The following KLRD1 variants were observed in gnomAD, a reference collection of about 807,000 sequenced individuals.
KLRD1 encodes natural killer cells antigen CD94.
A neutral mutation model predicts 22.6 loss-of-function variants in KLRD1; 21 were observed. That is an observed-to-expected ratio of 0.93 (90% CI 0.66 to 1.34). The LOEUF is 1.34. KLRD1 is among the 40% of genes most tolerant of loss of function. The pLI is 0.00. For synonymous variants in KLRD1, 59 were observed against 71.1 expected (o/e 0.83, Z 0.85); for missense variants, 183 against 208.6 (o/e 0.88, Z 0.76).
At position 10,327,225 on chromosome 12, in the gene KLRD1, G is replaced by A. The variant is rs1224647987; in HGVS notation, c.*12432G>A. 2.0e-5 allele frequency: 3 copies of A among 152,114 alleles called. No individual in the cohort carries two copies. Among genetic ancestry groups the A allele is most frequent in the African/African-American group, 7.2e-5 (3 of 41,424 alleles). 9.4% of individuals were successfully genotyped at this position (152,114 alleles called of 1,614,324 possible). A position where few individuals can be genotyped will look rare whatever the true frequency, so the allele number is the denominator to read the frequency against. ...CCATATTTGCAAAGTTTATTCCCAA[G>A]TTCTCCAATCTGTTTAATTGGTCTA... On this transcript the variant is annotated 3_prime_UTR_variant, in exon 6 of 6. Coordinates refer to ENST00000336164, the MANE Select transcript of KLRD1 (RefSeq NM_002262.5).
At chr12:10,309,341 C>A in intron 1 of KLRD1, 47 bp from the exon 2 acceptor site, 1 of 836,604 alleles carries the variant, frequency 1.2e-6, no homozygotes, top group South Asian at 1.5e-5. Context: ...GAACTCAGCT[C>A]CTGAGTTTGC....
chr12:10,285,289 G>C (rs1949690722), intron 1 of KLRD1, among the ~76,000 whole-genome samples: 1 of 152,200 alleles, frequency 6.6e-6, no homozygotes, highest in African/African-American at 2.4e-5. Flanking sequence ...TCGTGTGACT[G>C]ATAAAAATGG....
At chr12:10,284,637 T>G (rs886271006) in intron 1 of KLRD1, among the ~76,000 whole-genome samples, 1 of 152,172 alleles carries the variant, frequency 6.6e-6, no homozygotes, top group African/African-American at 2.4e-5. Flanking sequence ...TATTTTAAAA[T>G]AAAAACTAAT....
chr12:10,286,483 C>A (rs559390838), intron 1 of KLRD1, among the ~76,000 whole-genome samples: 1 of 151,716 alleles, frequency 6.6e-6, no homozygotes, highest in South Asian at 2.1e-4. Flanking sequence ...GGTTATGTAA[C>A]CTACTCAAGT....
At chr12:10,270,999 G>C (rs1330136513) in intron 1 of KLRD1, among the ~76,000 whole-genome samples, 1 of 151,884 alleles carries the variant, frequency 6.6e-6, no homozygotes, top group East Asian at 1.9e-4. Flanking sequence ...GGCCAGGCTG[G>C]TCTCGAATTC....
intron 1 of KLRD1, among the ~76,000 whole-genome samples, chr12:10,246,636 A>G (rs867029992): frequency 1.3e-5 from 2 of 152,146 alleles, no homozygotes; most frequent in African/African-American, 4.8e-5. Context: ...TGCATATTCT[A>G]TTTTATTCTG....
At chr12:10,269,771 T>C (rs1309287802) in intron 1 of KLRD1, among the ~76,000 whole-genome samples, 1 of 152,276 alleles carries the variant, frequency 6.6e-6, no homozygotes, top group East Asian at 1.9e-4. Flanking sequence ...TAACTTTCTA[T>C]TTTTAAAGAA....
upstream of KLRD1, among the ~76,000 whole-genome samples, chr12:10,305,295 C>G (rs1389775652): frequency 1.3e-5 from 2 of 152,142 alleles, no homozygotes; most frequent in African/African-American, 4.8e-5. Flanking sequence ...GGATACCTAA[C>G]TTTTCAAAAG....
At position 10,318,595 on chromosome 12, in the gene KLRD1, C is replaced by G. The variant is rs1355443873; in HGVS notation, c.*3802C>G. On this transcript the variant is annotated 3_prime_UTR_variant, in exon 6 of 6. Coordinates refer to ENST00000336164, the MANE Select transcript of KLRD1 (RefSeq NM_002262.5). ...GCGCGGTGGCTCAAGCCTGTAATCC[C>G]AGCACTTTGGGAGGCTGAGGCGGGT... The G allele has an allele frequency of 1.3e-5, 2 of 152,170 alleles. No individual in the cohort carries two copies. Among genetic ancestry groups the G allele is most frequent in the African/African-American group, 2.4e-5 (1 of 41,408 alleles). The allele number at this position is 152,170 out of a possible 1,614,324, so 9.4% of individuals were successfully genotyped here.
chr12:10,284,296 CAT>C (rs536492343), intron 1 of KLRD1, among the ~76,000 whole-genome samples: 76 of 152,326 alleles, frequency 5.0e-4, no homozygotes, highest in South Asian at 1.0e-3. Flanking sequence ...TTTACTATAA[CAT>C]GTGTGTAAAA....
chr12:10,285,650 G>A (rs946481443), intron 1 of KLRD1, among the ~76,000 whole-genome samples: 4 of 152,032 alleles, frequency 2.6e-5, no homozygotes, highest in East Asian at 1.9e-4. Context: ...TACAAAACAC[G>A]CTATCTCTAA....
chr12:10,281,708 A>T (rs898569606), intron 1 of KLRD1, among the ~76,000 whole-genome samples: 47 of 152,232 alleles, frequency 3.1e-4, no homozygotes, highest in Admixed American at 3.1e-3. Context: ...CTTTGCATAA[A>T]ATTCAAAAAT....
intron 1 of KLRD1, among the ~76,000 whole-genome samples, chr12:10,284,390 A>C (rs1949679964): frequency 6.6e-6 from 1 of 152,180 alleles, no homozygotes; most frequent in African/African-American, 2.4e-5. Context: ...CAAAGAATTG[A>C]GTATAATTTA....
At chr12:10,239,529 T>TTC (rs555006925) in intron 1 of KLRD1, among the ~76,000 whole-genome samples, 19,611 of 65,602 alleles carry the variant, frequency 0.3, 2,484 homozygotes, top group Admixed American at 0.38. Flanking sequence ...CTTTCTTTCT[T>TTC]TCTTTCTTTC....
At chr12:10,306,191 A>C (rs3927994), upstream of KLRD1, among the ~76,000 whole-genome samples, 84,743 of 151,612 alleles carry the variant, frequency 0.56, 24,582 homozygotes, top group Middle Eastern at 0.68. Context: ...AACAAACAAA[A>C]AAAGAACAAT....
At chr12:10,276,696 A>T (rs950694637) in intron 1 of KLRD1, among the ~76,000 whole-genome samples, 1 of 8,500 alleles carries the variant, frequency 1.2e-4, no homozygotes, top group Non-Finnish European at 2.5e-4. Context: ...AAAATTTGAC[A>T]AAAAAAAAAA....
chr12:10,292,636 G>A (rs550318879), intron 1 of KLRD1, among the ~76,000 whole-genome samples: 1 of 152,082 alleles, frequency 6.6e-6, no homozygotes, highest in Non-Finnish European at 1.5e-5. Flanking sequence ...GGACTTTGTT[G>A]CTCTATATAG....
chr12:10,309,704 T>C lies in KLRD1; in HGVS notation c.163+16T>C. Reference sequence around the variant, plus strand: ...CTCCAGAAAGGTAGGTCACATTTTTTGGAAAACTTAGCATTGGTAAAAGAT... The same window carrying C: ...CTCCAGAAAGGTAGGTCACATTTTTCGGAAAACTTAGCATTGGTAAAAGAT... On this transcript the variant is annotated intron_variant, in intron 3 of 5. Coordinates refer to ENST00000336164, the MANE Select transcript of KLRD1 (RefSeq NM_002262.5). 6.3e-7 allele frequency: 1 copy of C among 1,597,194 alleles called. No individual in the cohort carries two copies.
chr12:10,294,934 G>T (rs530936423), intron 1 of KLRD1, among the ~76,000 whole-genome samples: 2 of 152,298 alleles, frequency 1.3e-5, no homozygotes, highest in African/African-American at 4.8e-5. Context: ...ACTGTACAGG[G>T]TTAGAGGTCA....
Sources: gnomAD v4.1 joint callset for allele counts (sites outside exome capture counted in the v4.1 genomes callset) on GRCh38, gnomAD v4.1.1 for gene constraint, MANE v1.5 for transcripts, NCBI Gene and HGNC (gene_info 2026-07-23, HGNC 2026-07-21) for gene names.